RPS6KC1: variants seen among roughly 807,000 people sequenced by gnomAD.
RPS6KC1 encodes inactive ribosomal protein S6 kinase delta-1.
RPS6KC1 carries 54 observed loss-of-function variants against 103.8 expected under a neutral mutation model. That is an observed-to-expected ratio of 0.52 (90% CI 0.42 to 0.65). The LOEUF (loss-of-function observed/expected upper bound fraction) is 0.65. Ranked by LOEUF, RPS6KC1 falls within the 30% of genes least tolerant of loss-of-function variation. The pLI is 0.00. For synonymous variants in RPS6KC1, 439 were observed against 438.7 expected (o/e 1.00, Z -0.01); for missense variants, 1,151 against 1,253.8 (o/e 0.92, Z 1.24).
At chr1:213,653,004 T>C in the RPS6KC1 span, among the ~76,000 whole-genome samples, 1 of 152,236 alleles carries the variant, frequency 6.6e-6, no homozygotes, top group East Asian at 1.9e-4. Flanking sequence ...GTCTGGTACA[T>C]AGCACTTTGA....
chr1:213,544,393 CTT>C, the RPS6KC1 span, among the ~76,000 whole-genome samples: 1 of 152,142 alleles, frequency 6.6e-6, no homozygotes, highest in African/African-American at 2.4e-5. Context: ...AGGGGTGACT[CTT>C]TATACACTTT....
At chr1:213,572,381 A>T in the RPS6KC1 span, among the ~76,000 whole-genome samples, 1 of 152,232 alleles carries the variant, frequency 6.6e-6, no homozygotes, top group Non-Finnish European at 1.5e-5. Flanking sequence ...ACACACATAG[A>T]CATTCTCAGA....
intron 6 of RPS6KC1, among the ~76,000 whole-genome samples, chr1:213,134,032 G>A (rs890290526): frequency 6.6e-6 from 1 of 151,870 alleles, no homozygotes; most frequent in Non-Finnish European, 1.5e-5. Flanking sequence ...CTTTCAACAA[G>A]CATTTATTTC....
chr1:213,742,887 T>A, the RPS6KC1 span, among the ~76,000 whole-genome samples: 1 of 152,224 alleles, frequency 6.6e-6, no homozygotes, highest in East Asian at 1.9e-4. Context: ...AAACAACAGA[T>A]GCTGGGGAGG....
At chr1:213,289,201 A>G in the RPS6KC1 span, among the ~76,000 whole-genome samples, 25 of 141,858 alleles carry the variant, frequency 1.8e-4, no homozygotes, top group African/African-American at 6.2e-4. Flanking sequence ...TTAGAGCTCA[A>G]ATGAGGGCTG....
chr1:213,539,833 A>C, the RPS6KC1 span, among the ~76,000 whole-genome samples: 1 of 150,482 alleles, frequency 6.6e-6, no homozygotes, highest in East Asian at 2.0e-4. Flanking sequence ...CAATAAAGCA[A>C]GTATCATAAT....
At chr1:213,060,403 G>A (rs2077725662) in intron 1 of RPS6KC1, among the ~76,000 whole-genome samples, 1 of 152,178 alleles carries the variant, frequency 6.6e-6, no homozygotes, top group African/African-American at 2.4e-5. Flanking sequence ...CATAGGGATA[G>A]GGAGGGCAAT....
chr1:213,845,730 T>C, the RPS6KC1 span, among the ~76,000 whole-genome samples: 6 of 152,178 alleles, frequency 3.9e-5, no homozygotes, highest in African/African-American at 9.6e-5. Context: ...AAATCCTGGT[T>C]CCTCCACTTT....
chr1:213,525,167 C>T, the RPS6KC1 span, among the ~76,000 whole-genome samples: 6 of 152,106 alleles, frequency 3.9e-5, no homozygotes, highest in African/African-American at 1.4e-4. Context: ...TGTAATAAAC[C>T]AGGCAAAAGC....
At chr1:213,505,505 G>A in the RPS6KC1 span, among the ~76,000 whole-genome samples, 1 of 152,112 alleles carries the variant, frequency 6.6e-6, no homozygotes, top group Admixed American at 6.5e-5. Context: ...TGGAAAATGG[G>A]GATAATAACA....
At chr1:213,784,271 T>G in the RPS6KC1 span, among the ~76,000 whole-genome samples, 1 of 152,182 alleles carries the variant, frequency 6.6e-6, no homozygotes, top group Admixed American at 6.5e-5. Flanking sequence ...TAAGAGGACT[T>G]TCTAACTGTG....
At chr1:213,812,212 G>C in the RPS6KC1 span, among the ~76,000 whole-genome samples, 1 of 151,954 alleles carries the variant, frequency 6.6e-6, no homozygotes, top group Non-Finnish European at 1.5e-5. Context: ...GAAAAGGAAA[G>C]ACAAAAAGAA....
chr1:213,618,841 A>C, the RPS6KC1 span, among the ~76,000 whole-genome samples: 6 of 152,204 alleles, frequency 3.9e-5, no homozygotes, highest in African/African-American at 1.4e-4. Flanking sequence ...TTTAGTTCAT[A>C]AAAGTTTGTG....
the RPS6KC1 span, among the ~76,000 whole-genome samples, chr1:213,686,055 G>A: frequency 6.6e-6 from 1 of 152,134 alleles, no homozygotes; most frequent in East Asian, 1.9e-4. Flanking sequence ...TGGTTTTGGA[G>A]AGGAGTTAGA....
At chr1:213,759,475 T>G in the RPS6KC1 span, among the ~76,000 whole-genome samples, 1 of 152,232 alleles carries the variant, frequency 6.6e-6, no homozygotes, top group South Asian at 2.1e-4. Flanking sequence ...ACTCATTATC[T>G]CATTCACTAT....
chr1:213,777,437 A>G, the RPS6KC1 span, among the ~76,000 whole-genome samples: 1 of 152,186 alleles, frequency 6.6e-6, no homozygotes, highest in Non-Finnish European at 1.5e-5. Flanking sequence ...TGGTCAATGG[A>G]GCAGTCAGAA....
At chr1:213,719,666 G>A in the RPS6KC1 span, among the ~76,000 whole-genome samples, 1 of 152,174 alleles carries the variant, frequency 6.6e-6, no homozygotes, top group Non-Finnish European at 1.5e-5. Flanking sequence ...CTGCAGGCAT[G>A]GAAGGATGTG....
chr1:213,352,748 A>G, the RPS6KC1 span, among the ~76,000 whole-genome samples: 2 of 152,170 alleles, frequency 1.3e-5, no homozygotes. Context: ...TCTATGATTA[A>G]TACTAACTCT....
At chr1:213,398,761 A>G in the RPS6KC1 span, among the ~76,000 whole-genome samples, 9 of 152,056 alleles carry the variant, frequency 5.9e-5, no homozygotes, top group African/African-American at 2.2e-4. Flanking sequence ...TTTTTCACCT[A>G]TATTTTCTTT....
Sources: gnomAD v4.1 joint callset for allele counts (sites outside exome capture counted in the v4.1 genomes callset) on GRCh38, gnomAD v4.1.1 for gene constraint, MANE v1.5 for transcripts, NCBI Gene and HGNC (gene_info 2026-07-23, HGNC 2026-07-21) for gene names.